Variants in MLIP observed in about 807,000 individuals in gnomAD.
MLIP encodes the protein muscular LMNA interacting protein.
In MLIP, 79 loss-of-function variants were observed where a neutral mutation model predicts 84.8. That is an observed-to-expected ratio of 0.93 (90% CI 0.78 to 1.12). The LOEUF is 1.12. Ranked by LOEUF, MLIP falls within the 50% of genes most tolerant of loss-of-function variation. MLIP has a pLI of 0.00. For missense variants in MLIP, 1,257 were observed against 1,160.6 expected (o/e 1.08, Z -1.21); for synonymous variants, 504 against 463.0 (o/e 1.09, Z -1.14).
At chr6:54,109,133 C>CAT (rs200902142), upstream of MLIP, among the ~76,000 whole-genome samples, 858 of 150,290 alleles carry the variant, frequency 5.7e-3, 14 homozygotes, top group African/African-American at 0.019. Context: ...CATATATATT[C>CAT]ATATATATAT....
Position 54,266,003 on chromosome 6 carries a change from G to A in MLIP, c.*48G>A. 6.2e-7 allele frequency: 1 copy of A among 1,602,282 alleles called. No individual in the cohort carries two copies. The highest frequency in any genetic ancestry group is 1.1e-5 in the South Asian group (1 of 90,024). On this transcript the variant is annotated 3_prime_UTR_variant, in exon 14 of 14. Coordinates refer to ENST00000502396, the MANE Select transcript of MLIP (RefSeq NM_001281747.2). ...ACAGGCTGCTGAAGTTTTTTGGAATGCTGGTGCTAACCACTTGCTAGATTT... is the reference window on the plus strand; with the variant it reads ...ACAGGCTGCTGAAGTTTTTTGGAATACTGGTGCTAACCACTTGCTAGATTT...
rs574744517 is a variant in MLIP, at chr6:54,239,673, G to A, written c.2922+8756G>A. 2.0e-5 allele frequency among the ~76,000 whole-genome samples: 3 copies of A among 151,454 alleles called. No homozygotes were observed. In the South Asian group the frequency reaches 6.2e-4, roughly 32 times the overall value. On this transcript the variant is annotated intron_variant, in intron 12 of 13. Transcript: ENST00000502396. ...ATGGTGACACATGCCTGTAGTCCCA[G>A]CTACTAGGGAGGCTGAGGCAGGAGA...
rs543079340 is a variant in MLIP, at chr6:54,143,610, C to T, written c.2217+5324C>T. On this transcript the variant is annotated intron_variant, in intron 4 of 13. Transcript: ENST00000502396. ...TAATGCAGCAAATGTTACAGGTTTA[C>T]GTCATGAAGAAAAATGACTTCAAAA... Among the ~76,000 whole-genome samples, 10 of 152,066 alleles carry T rather than the reference C, an allele frequency of 6.6e-5. No homozygotes were observed. The South Asian group carries it at 1.0e-3, about 16-fold the overall frequency.
intron 1 of MLIP, among the ~76,000 whole-genome samples, chr6:54,112,292 C>A (rs900788589): frequency 1.3e-5 from 2 of 152,146 alleles, no homozygotes; most frequent in African/African-American, 4.8e-5. Context: ...TTTGTTCTCT[C>A]CTAAACAAGG....
chr6:54,071,036 A>T (rs1766453748), intron 1 of MLIP, among the ~76,000 whole-genome samples: 1 of 152,206 alleles, frequency 6.6e-6, no homozygotes. Flanking sequence ...CAGAACTAAG[A>T]TGAATACTTT....
At chr6:54,176,957 T>C (rs935588040) in intron 9 of MLIP, among the ~76,000 whole-genome samples, 1 of 152,078 alleles carries the variant, frequency 6.6e-6, no homozygotes, top group Admixed American at 6.6e-5. Flanking sequence ...GGGGAAAATA[T>C]TCCCTATTTA....
intron 1 of MLIP, among the ~76,000 whole-genome samples, chr6:54,101,372 T>C (rs932910417): frequency 6.6e-6 from 1 of 151,946 alleles, no homozygotes; most frequent in African/African-American, 2.4e-5. Context: ...ATTTATTGGG[T>C]ACCTACTATG....
chr6:54,079,060 T>G (rs1766978665), intron 1 of MLIP, among the ~76,000 whole-genome samples: 1 of 152,200 alleles, frequency 6.6e-6, no homozygotes, highest in Non-Finnish European at 1.5e-5. Context: ...TAAATAAATA[T>G]CCTAAATATT....
intron 8 of MLIP, among the ~76,000 whole-genome samples, chr6:54,163,632 C>CACTTTCT (rs1463196626): frequency 3.3e-5 from 5 of 151,866 alleles, no homozygotes; most frequent in Non-Finnish European, 5.9e-5. Flanking sequence ...TAGCACTTTT[C>CACTTTCT]ACTTTCTACT....
At chr6:54,190,012 T>C in intron 10 of MLIP, 98 bp downstream of exon 10, 1 of 818,636 alleles carries the variant, frequency 1.2e-6, no homozygotes, top group Non-Finnish European at 1.9e-6. Context: ...TTACTATATA[T>C]ATTTTTATTC....
chr6:54,201,924 C>A (rs926038862), intron 10 of MLIP, among the ~76,000 whole-genome samples, 181 bp from the exon 11 acceptor site: 1 of 152,086 alleles, frequency 6.6e-6, no homozygotes, highest in South Asian at 2.1e-4. Context: ...TTTAACTAAA[C>A]TTATATTAGT....
chr6:54,172,352 ATTGAT>A (rs1775854070), intron 9 of MLIP, among the ~76,000 whole-genome samples: 7 of 151,692 alleles, frequency 4.6e-5, no homozygotes, highest in Non-Finnish European at 8.9e-5. Flanking sequence ...ACCTCTATTC[ATTGAT>A]TCGACAAATA....
chr6:54,182,121 CG>C (rs1258306456), intron 9 of MLIP, among the ~76,000 whole-genome samples: 1 of 152,152 alleles, frequency 6.6e-6, no homozygotes, highest in Non-Finnish European at 1.5e-5. Flanking sequence ...GACTTTCCTC[CG>C]TTTGCCTAGA....
intron 5 of MLIP, among the ~76,000 whole-genome samples, chr6:54,150,346 T>G (rs1021747768): frequency 1.3e-5 from 2 of 152,152 alleles, no homozygotes; most frequent in African/African-American, 2.4e-5. Context: ...AAAGATGAGA[T>G]GGGACTAAAA....
upstream of MLIP, among the ~76,000 whole-genome samples, chr6:54,110,389 T>C (rs506096): frequency 0.39 from 59,160 of 152,000 alleles, 11,977 homozygotes; most frequent in African/African-American, 0.49. Flanking sequence ...GAGGCACTTA[T>C]ATTCTCTTTT....
chr6:54,213,500 C>G (rs1472619248), intron 11 of MLIP, among the ~76,000 whole-genome samples: 3 of 151,630 alleles, frequency 2.0e-5, no homozygotes, highest in African/African-American at 7.3e-5. Flanking sequence ...TCTGGAGTTC[C>G]AAACCAGCCT....
chr6:54,266,058 C>A lies in MLIP; in HGVS notation c.*103C>A. On this transcript the variant is annotated 3_prime_UTR_variant, in exon 14 of 14. Coordinates refer to ENST00000502396, the MANE Select transcript of MLIP (RefSeq NM_001281747.2). Reference sequence around the variant, plus strand: ...TTTTTTTTTTTTTCCAGAATGAGTGCTCCCTTTATGAGCTGCAGTGCAGCA... The same window carrying A: ...TTTTTTTTTTTTTCCAGAATGAGTGATCCCTTTATGAGCTGCAGTGCAGCA... 8.4e-7 allele frequency: 1 copy of A among 1,190,750 alleles called. No individual in the cohort carries two copies. The highest frequency in any genetic ancestry group is 1.2e-6 in the Non-Finnish European group (1 of 819,934). 73.8% of individuals were successfully genotyped at this position (1,190,750 alleles called of 1,614,324 possible). A position where few individuals can be genotyped will look rare whatever the true frequency, so the allele number is the denominator to read the frequency against.
intron 1 of MLIP, among the ~76,000 whole-genome samples, chr6:54,055,573 G>A (rs1473199067): frequency 6.6e-6 from 1 of 152,022 alleles, no homozygotes; most frequent in Non-Finnish European, 1.5e-5. Flanking sequence ...ACAAATATTA[G>A]TTGCCTTATA....
intron 12 of MLIP, among the ~76,000 whole-genome samples, chr6:54,240,628 T>A (rs1341934674): frequency 6.6e-6 from 1 of 152,204 alleles, no homozygotes; most frequent in Admixed American, 6.5e-5. Flanking sequence ...AAACCCTAAC[T>A]TTAGGACTCA....
Sources: allele counts gnomAD v4.1 joint callset (sites outside exome capture counted in the v4.1 genomes callset), GRCh38; gene constraint gnomAD v4.1.1; transcripts MANE v1.5; gene names NCBI Gene and HGNC (gene_info 2026-07-23, HGNC 2026-07-21).